TP53BP1: variants seen among roughly 807,000 people sequenced by gnomAD.
The protein encoded by TP53BP1 is TP53-binding protein 1.
Under a neutral mutation model 200.8 loss-of-function variants are expected in TP53BP1, and 61 were observed. The observed-to-expected ratio is 0.30, with a 90% confidence interval of 0.25 to 0.38. TP53BP1 has a LOEUF of 0.38. Among genes scored for constraint, TP53BP1 ranks in the 10% least tolerant of loss-of-function variants. The pLI is 1.00. For synonymous variants in TP53BP1, 822 were observed against 844.3 expected (o/e 0.97, Z 0.46); for missense variants, 2,144 against 2,371.9 (o/e 0.90, Z 2.00).
chr15:43,507,770 C>G (rs2079245707), intron 1 of TP53BP1, among the ~76,000 whole-genome samples: 1 of 151,584 alleles, frequency 6.6e-6, no homozygotes, highest in Admixed American at 6.6e-5. Flanking sequence ...GTTGCCCAAG[C>G]TAGAGCGCAG....
At chr15:43,461,399 G>A (rs1434102549) in intron 11 of TP53BP1, among the ~76,000 whole-genome samples, 1 of 151,550 alleles carries the variant, frequency 6.6e-6, no homozygotes, top group African/African-American at 2.4e-5. Flanking sequence ...AGTATTTTTT[G>A]TAGAGACGAG....
At chr15:43,454,022 T>A (rs1244822576) in intron 12 of TP53BP1, among the ~76,000 whole-genome samples, 14 of 151,838 alleles carry the variant, frequency 9.2e-5, no homozygotes, top group Admixed American at 8.5e-4. Context: ...CTGGCCAGCA[T>A]GGTGAAACCC....
Position 43,462,415 on chromosome 15 carries a change from C to T in TP53BP1, c.1390-5197G>A, listed in dbSNP as rs184642763. Among the ~76,000 whole-genome samples the T allele has an allele frequency of 2.0e-5, 3 of 152,118 alleles. No homozygotes were observed. In the East Asian group the frequency reaches 5.8e-4, roughly 29 times the overall value. ...ACCTGAACTCAAGCAATCTTCCCCG[C>T]TCATACTGCTCCCCAGCACCAGGAG... On this transcript the variant is annotated intron_variant, in intron 11 of 27. Transcript: ENST00000382044.
Position 43,455,924 on chromosome 15 carries a change from T to G in TP53BP1, c.2684A>C (p.His895Pro). 1 of 1,614,214 alleles carries G rather than the reference T, an allele frequency of 6.2e-7. No homozygotes were observed. Among genetic ancestry groups the G allele is most frequent in the Non-Finnish European group, 8.5e-7 (1 of 1,180,040 alleles). ...ACTTTCACAGAAGCTTTGTGAGGCATGGGCAGAGGGCTTCCCCAGCTTCTG... is the reference window on the plus strand; with the variant it reads ...ACTTTCACAGAAGCTTTGTGAGGCAGGGGCAGAGGGCTTCCCCAGCTTCTG... ...EAQKLGKPSA[H>P]ASQSFCESSS... Residue 895 changes from histidine (H) to proline (P), a missense_variant, in exon 12 of 28, where the codon CAT (histidine) becomes CCT (proline). By Grantham distance (77) the His-to-Pro change is moderately conservative. Transcript: ENST00000382044.
intron 1 of TP53BP1, among the ~76,000 whole-genome samples, chr15:43,501,186 T>G (rs1233045853): frequency 6.6e-6 from 1 of 151,056 alleles, no homozygotes; most frequent in Non-Finnish European, 1.5e-5. Flanking sequence ...GTGAAATCTA[T>G]AGCTCTTAAT....
intron 4 of TP53BP1, among the ~76,000 whole-genome samples, chr15:43,486,143 G>GA (rs960821637): frequency 2.0e-5 from 3 of 152,032 alleles, no homozygotes; most frequent in African/African-American, 7.2e-5. Context: ...TTGGGAGGCT[G>GA]AGGGGGGTGG....
At chr15:43,426,528 A>G (rs1485310337) in intron 18 of TP53BP1, among the ~76,000 whole-genome samples, 1 of 152,016 alleles carries the variant, frequency 6.6e-6, no homozygotes, top group Non-Finnish European at 1.5e-5. Context: ...TGTGGATAGT[A>G]AAACAAACAA....
rs763023896 is a variant in TP53BP1 at position 43,446,560 on chromosome 15, G to A, written c.2867C>T (p.Ala956Val). The change falls in exon 14 of 28, where the codon GCA becomes GTA. Residue 956 changes from alanine (A) to valine (V), a missense_variant. Ala to Val is a moderately conservative substitution (Grantham distance 64, BLOSUM62 0). Around this residue, in one of 4 missense-constraint regions of TP53BP1, gnomAD observed 1,700 missense variants for 1,710.3 expected, o/e 0.99. Coordinates refer to ENST00000382044, the MANE Select transcript of TP53BP1 (RefSeq NM_001141980.3). The part of the protein sequence containing the change: ...GISNYPESTI[A>V]TSDVMSESMV... The stretch of plus-strand genomic sequence containing the variant: ...GCTTTCAGACATGACATCACTGGTT[G>A]CTATGGTGCTTTCTGGATAGTTGCT... The A allele has an allele frequency of 6.2e-7, 1 of 1,614,090 alleles. No individual in the cohort carries two copies. The highest frequency in any genetic ancestry group is 1.3e-5 in the African/African-American group (1 of 75,028).
At chr15:43,459,445 T>G (rs1449806011) in intron 11 of TP53BP1, among the ~76,000 whole-genome samples, 1 of 152,214 alleles carries the variant, frequency 6.6e-6, no homozygotes, top group Non-Finnish European at 1.5e-5. Context: ...ATTGAATAGA[T>G]TATTCAAAAT....
exon 1 of TP53BP1, chr15:43,510,537 C>T (rs1011349305): frequency 6.2e-6 from 1 of 160,346 alleles, no homozygotes; most frequent in African/African-American, 2.4e-5. Flanking sequence ...CGCCAAACAA[C>T]GATAATACAG....
intron 11 of TP53BP1, among the ~76,000 whole-genome samples, chr15:43,458,036 A>G (rs2046341898): frequency 6.6e-6 from 1 of 151,846 alleles, no homozygotes; most frequent in Admixed American, 6.6e-5. Flanking sequence ...AGTAATAATA[A>G]TACTAATAAT....
intron 4 of TP53BP1, among the ~76,000 whole-genome samples, chr15:43,484,921 T>C (rs1249303096): frequency 1.3e-5 from 2 of 151,996 alleles, no homozygotes; most frequent in Non-Finnish European, 2.9e-5. Context: ...TGGCTTACTG[T>C]GTATTTTTTG....
At chr15:43,457,532 C>T (rs185463058) in intron 11 of TP53BP1, among the ~76,000 whole-genome samples, 5 of 151,626 alleles carry the variant, frequency 3.3e-5, no homozygotes, top group African/African-American at 7.3e-5. Flanking sequence ...ATCAGCCAGG[C>T]GTGGTGGTGG....
chr15:43,472,401 G>T (rs34002293), intron 10 of TP53BP1, among the ~76,000 whole-genome samples: 26,597 of 152,118 alleles, frequency 0.17, 2,504 homozygotes, highest in Middle Eastern at 0.27. Context: ...TGTAGAAATC[G>T]TAAGAACTTA....
In TP53BP1 at chr15:43,479,468, C is replaced by G. The variant is rs367899962; in HGVS notation, c.717G>C (p.Lys239Asn). The stretch of plus-strand genomic sequence containing the variant: ...TGGGCTGTGCTGTCACAGGGATGTC[C>G]TTGCTGGACTGTTCTGCTATGGGGA... The part of the protein sequence containing the change: ...EDIPIAEQSS[K>N]DIPVTAQPSK... The change falls in exon 7 of 28, where the codon AAG becomes AAC. Residue 239 changes from lysine (K) to asparagine (N), a missense_variant. Lys to Asn is a moderately conservative substitution (Grantham distance 94, BLOSUM62 0). This residue lies in a region of TP53BP1 where 1,700 missense variants were observed against 1,710.3 expected (regional missense o/e 0.99). Transcript: ENST00000382044. The G allele has an allele frequency of 2.5e-6, 4 of 1,613,706 alleles. No homozygotes were observed. In the African/African-American group the frequency reaches 5.3e-5, roughly 22 times the overall value.
At chr15:43,410,954 G>T (rs954647614) in intron 24 of TP53BP1, among the ~76,000 whole-genome samples, 3 of 152,136 alleles carry the variant, frequency 2.0e-5, no homozygotes, top group Non-Finnish European at 4.4e-5. Flanking sequence ...AAGAAACTCA[G>T]AATACAGCAG....
At chr15:43,498,141 T>G (rs921724704), upstream of TP53BP1, among the ~76,000 whole-genome samples, 1 of 152,250 alleles carries the variant, frequency 6.6e-6, no homozygotes, top group Non-Finnish European at 1.5e-5. Flanking sequence ...CATTTATATT[T>G]TATTTTATTC....
upstream of TP53BP1, among the ~76,000 whole-genome samples, chr15:43,495,669 T>C (rs1373640334): frequency 1.4e-5 from 2 of 146,372 alleles, no homozygotes; most frequent in African/African-American, 5.1e-5. Context: ...TACAAAAAAT[T>C]AGCCGGGTGC....
upstream of TP53BP1, among the ~76,000 whole-genome samples, chr15:43,493,577 G>C (rs993991188): frequency 6.6e-6 from 1 of 152,024 alleles, no homozygotes; most frequent in Non-Finnish European, 1.5e-5. Flanking sequence ...AGGTACTTCA[G>C]AGCTGGTGAA....
Sources: gnomAD v4.1 joint callset for allele counts (sites outside exome capture counted in the v4.1 genomes callset) on GRCh38, gnomAD v4.1.1 for gene constraint, gnomAD v4.1.1 regional missense constraint, MANE v1.5 for transcripts, NCBI Gene and HGNC (gene_info 2026-07-23, HGNC 2026-07-21) for gene names.